The following YTHDC1 variants were observed in gnomAD, a reference collection of about 807,000 sequenced individuals.
YTHDC1 encodes the protein YTH N6-methyladenosine RNA binding protein C1.
A neutral mutation model predicts 107.0 loss-of-function variants in YTHDC1; 12 were observed. The observed-to-expected ratio is 0.11, with a 90% confidence interval of 0.07 to 0.18. The LOEUF (loss-of-function observed/expected upper bound fraction) is 0.18. Among genes scored for constraint, YTHDC1 ranks in the 10% least tolerant of loss-of-function variants. The pLI, the probability that YTHDC1 is intolerant of heterozygous loss-of-function variation, is 1.00. For synonymous variants in YTHDC1, 280 were observed against 289.5 expected, an observed-to-expected ratio of 0.97 and a Z score of 0.33; for missense variants, 635 against 898.8, an observed-to-expected ratio of 0.71 and a Z score of 3.75.
rs1209328403 is a variant in YTHDC1 at position 68,313,323 on chromosome 4, C to G, written c.*776G>C. ...ATAAGAAAAAGATACAAAAGATAAC[C>G]GTCAATCTTTACCAATTTATTTTAT... is the stretch of plus-strand genomic sequence containing the variant. On this transcript the variant is annotated 3_prime_UTR_variant, in exon 17 of 17. Coordinates refer to ENST00000344157, the MANE Select transcript of YTHDC1 (RefSeq NM_001031732.4). 6.6e-6 allele frequency: 1 copy of G among 152,434 alleles called. No homozygotes were observed. Among genetic ancestry groups the G allele is most frequent in the African/African-American group, 2.4e-5 (1 of 41,384 alleles). 9.4% of individuals were successfully genotyped at this position (152,434 alleles called of 1,614,324 possible). A position where few individuals can be genotyped will look rare whatever the true frequency, so the allele number is the denominator to read the frequency against.
Position 68,344,494 on chromosome 4 carries a change from G to A in YTHDC1, c.28+5232C>T, listed in dbSNP as rs138783724. Reference sequence around the variant, plus strand: ...GACAGTTGCAAGCACTGTGTTGTCAGATCTTCCACATTTTCAAGAGGACTC... The same window carrying A: ...GACAGTTGCAAGCACTGTGTTGTCAAATCTTCCACATTTTCAAGAGGACTC... On this transcript the variant is annotated intron_variant, in intron 1 of 16. Coordinates refer to ENST00000344157, the MANE Select transcript of YTHDC1 (RefSeq NM_001031732.4). Among the ~76,000 whole-genome samples, 14 of 152,316 alleles carry A rather than the reference G, an allele frequency of 9.2e-5. No homozygotes were observed. The East Asian group carries it at 2.7e-3, about 29-fold the overall frequency.
At chr4:68,321,251 A>G (rs1722416303) in intron 11 of YTHDC1, among the ~76,000 whole-genome samples, 2 of 152,206 alleles carry the variant, frequency 1.3e-5, no homozygotes, top group Admixed American at 1.3e-4. Context: ...TTTTCAACAC[A>G]GTTCACTCAA....
At chr4:68,315,000 G>A (rs1280566647) in intron 16 of YTHDC1, among the ~76,000 whole-genome samples, 3 of 152,104 alleles carry the variant, frequency 2.0e-5, no homozygotes, top group African/African-American at 7.2e-5. Context: ...TATGTAAGTA[G>A]AGAATATGTA....
rs1212459996 is a variant in YTHDC1, at chr4:68,337,580, C to T, written c.451G>A (p.Gly151Ser). Residue 151 changes from glycine to serine, a missense_variant, in exon 3 of 17, where the codon GGT becomes AGT. Around this residue, in one of 5 missense-constraint regions of YTHDC1, gnomAD observed 294 missense variants for 312.3 expected, o/e 0.94. Transcript: ENST00000344157. The stretch of plus-strand genomic sequence containing the variant: ...GCAATAATATTTACTACCTCAGAAC[C>T]ATCTGGCGTAGGAGATTTGGCCCTC... ...ERRAKSPTPDGSERIGLEVDR... is the reference protein window; with the variant it reads ...ERRAKSPTPDSSERIGLEVDR... 5 of 1,605,994 alleles carry T rather than the reference C, an allele frequency of 3.1e-6. No homozygotes were observed. The highest frequency in any genetic ancestry group is 2.2e-5 in the East Asian group (1 of 44,856).
At chr4:68,315,046 A>T (rs1721677390) in intron 16 of YTHDC1, among the ~76,000 whole-genome samples, 2 of 152,226 alleles carry the variant, frequency 1.3e-5, no homozygotes, top group Admixed American at 1.3e-4. Flanking sequence ...AGATCCATAA[A>T]ATAGAACTTG....
Position 68,313,808 on chromosome 4 carries a change from C to A in YTHDC1, c.*291G>T. ...CAAAAAAATAACTCTAGGATGAACACACTATAAGAACATTTATGGAGAAAG... is the reference window on the plus strand; with the variant it reads ...CAAAAAAATAACTCTAGGATGAACAAACTATAAGAACATTTATGGAGAAAG... On this transcript the variant is annotated 3_prime_UTR_variant, in exon 17 of 17. Transcript: ENST00000344157. The A allele has an allele frequency of 5.0e-6, 2 of 396,892 alleles. No individual in the cohort carries two copies. Among genetic ancestry groups the A allele is most frequent in the Non-Finnish European group, 9.0e-6 (2 of 222,574 alleles). The allele number at this position is 396,892 out of a possible 1,614,324, so 24.6% of individuals were successfully genotyped here.
intron 4 of YTHDC1, among the ~76,000 whole-genome samples, chr4:68,336,646 C>A (rs973249991): frequency 1.3e-5 from 2 of 152,090 alleles, no homozygotes; most frequent in Non-Finnish European, 2.9e-5. Context: ...GGTATTTTAC[C>A]AAGGAAATAC....
chr4:68,327,328 G>A (rs937425524), intron 9 of YTHDC1, among the ~76,000 whole-genome samples: 1 of 152,180 alleles, frequency 6.6e-6, no homozygotes, highest in Admixed American at 6.5e-5. Context: ...CACCTAGTCA[G>A]TAAATGTAAC....
intron 10 of YTHDC1, 133 bp from the exon 11 acceptor site, chr4:68,323,048 T>C: frequency 2.7e-6 from 2 of 752,564 alleles, no homozygotes. Context: ...GGGATTCCAA[T>C]AAGACTTCCA....
chr4:68,311,504 CGAAA>C lies in YTHDC1; in HGVS notation c.*2591_*2594del, dbSNP rs1162335813. 8 of 152,142 alleles carry C rather than the reference CGAAA, an allele frequency of 5.3e-5. No individual in the cohort carries two copies. The highest frequency in any genetic ancestry group is 1.9e-4 in the African/African-American group (8 of 41,424). The allele number at this position is 152,142 out of a possible 1,614,324, so 9.4% of individuals were successfully genotyped here. A position where few individuals can be genotyped will look rare whatever the true frequency, so the allele number is the denominator to read the frequency against. Reference sequence around the variant, plus strand: ...TAGAATCACAGCACAGTGGAGTACACGAAAGAAACCATGTCTTCTCACAGTGACA... The same window carrying C: ...TAGAATCACAGCACAGTGGAGTACACGAAACCATGTCTTCTCACAGTGACA... On this transcript the variant is annotated 3_prime_UTR_variant, in exon 17 of 17. Coordinates refer to ENST00000344157, the MANE Select transcript of YTHDC1 (RefSeq NM_001031732.4).
At chr4:68,336,900 T>A in intron 4 of YTHDC1, 127 bp downstream of exon 4, 3 of 1,290,800 alleles carry the variant, frequency 2.3e-6, no homozygotes, top group South Asian at 1.6e-5. Flanking sequence ...CAAAAGCATA[T>A]AAAGGATCAC....
At chr4:68,326,883 G>A (rs867456320) in intron 9 of YTHDC1, among the ~76,000 whole-genome samples, 11 of 151,566 alleles carry the variant, frequency 7.3e-5, no homozygotes, top group African/African-American at 1.9e-4. Flanking sequence ...GAACCACTGC[G>A]CCCAGCCATG....
chr4:68,316,457 G>A lies in YTHDC1; in HGVS notation c.1825-9C>T. 3.7e-6 allele frequency: 6 copies of A among 1,610,322 alleles called. No individual in the cohort carries two copies. Among genetic ancestry groups the A allele is most frequent in the Non-Finnish European group, 4.2e-6 (5 of 1,178,496 alleles). On this transcript the variant is annotated splice_polypyrimidine_tract_variant and intron_variant, in intron 15 of 16. Coordinates refer to ENST00000344157, the MANE Select transcript of YTHDC1 (RefSeq NM_001031732.4). ...ATTCCTGGGTAAGGGGGCTAAAAAA[G>A]GAAAACCATTTACATTAAGAATCTA...
intron 16 of YTHDC1, chr4:68,316,113 A>C: frequency 2.0e-6 from 1 of 503,454 alleles, no homozygotes; most frequent in Non-Finnish European, 3.2e-6. Context: ...TGATTTGATC[A>C]GTAAAAGAAA....
In YTHDC1 at chr4:68,312,386, C is replaced by T. The variant is rs928723529; in HGVS notation, c.*1713G>A. On this transcript the variant is annotated 3_prime_UTR_variant, in exon 17 of 17. Transcript: ENST00000344157. ...GTTTTGTATAATGGTTACAGAAATT[C>T]TTAAACTGTAGCTATCATCTTGTCT... 7 of 152,146 alleles carry T rather than the reference C, an allele frequency of 4.6e-5. No homozygotes were observed. The highest frequency in any genetic ancestry group is 1.3e-4 in the Admixed American group (2 of 15,270). 9.4% of individuals were successfully genotyped at this position (152,146 alleles called of 1,614,324 possible). A position where few individuals can be genotyped will look rare whatever the true frequency, so the allele number is the denominator to read the frequency against.
In YTHDC1 at chr4:68,317,827, G is replaced by GT. The variant is rs536195874; in HGVS notation, c.1824+691dup. ...GAACAAGCACAGTGCCTTGCACAGAGTAAGTACTAAATATTATATTTGATA... is the reference window on the plus strand; with the variant it reads ...GAACAAGCACAGTGCCTTGCACAGAGTTAAGTACTAAATATTATATTTGATA... On this transcript the variant is annotated intron_variant, in intron 15 of 16. Coordinates refer to ENST00000344157, the MANE Select transcript of YTHDC1 (RefSeq NM_001031732.4). 7.0e-4 allele frequency among the ~76,000 whole-genome samples: 107 copies of GT among 152,256 alleles called. No homozygotes were observed. The East Asian group carries it at 9.6e-3, about 14-fold the overall frequency.
rs1455516323 is a variant in YTHDC1 at position 68,314,027 on chromosome 4, C to G, written c.*72G>C. 3.4e-6 allele frequency: 5 copies of G among 1,485,532 alleles called. No homozygotes were observed. The highest frequency in any genetic ancestry group is 4.6e-6 in the Non-Finnish European group (5 of 1,081,468). 92.0% of individuals were successfully genotyped at this position (1,485,532 alleles called of 1,614,324 possible). On this transcript the variant is annotated 3_prime_UTR_variant, in exon 17 of 17. Coordinates refer to ENST00000344157, the MANE Select transcript of YTHDC1 (RefSeq NM_001031732.4). ...CAGACAGCTGAAAATAAATTTACTA[C>G]TTGTAAACACACACAAAAAAAAAAT...
chr4:68,324,004 C>T (rs1423036784), intron 10 of YTHDC1, 135 bp downstream of exon 10: 1 of 725,696 alleles, frequency 1.4e-6, no homozygotes, highest in African/African-American at 1.8e-5. Context: ...TTATTATAAA[C>T]TTCAGATAAG....
At chr4:68,316,607 G>A (rs913215331) in intron 15 of YTHDC1, among the ~76,000 whole-genome samples, 159 bp from the exon 16 acceptor site, 12 of 152,020 alleles carry the variant, frequency 7.9e-5, no homozygotes, top group African/African-American at 1.9e-4. Context: ...GCTTTTTGTC[G>A]AAAATTACAC....
Sources: allele counts gnomAD v4.1 joint callset (sites outside exome capture counted in the v4.1 genomes callset), GRCh38; gene constraint gnomAD v4.1.1; regional missense constraint gnomAD v4.1.1; transcripts MANE v1.5; gene names NCBI Gene and HGNC (gene_info 2026-07-23, HGNC 2026-07-21).